Variants in CBFA2T2 observed in about 807,000 individuals in gnomAD.
CBFA2T2 encodes CBFA2/RUNX1 partner transcriptional co-repressor 2.
Under a neutral mutation model 62.2 loss-of-function variants are expected in CBFA2T2, and 11 were observed. The observed-to-expected ratio is 0.18, with a 90% CI of 0.11 to 0.29. The LOEUF (loss-of-function observed/expected upper bound fraction) is 0.29. Among genes scored for constraint, CBFA2T2 ranks in the 10% least tolerant of loss-of-function variants. The pLI is 1.00. For synonymous variants in CBFA2T2, 295 were observed against 287.5 expected (o/e 1.03, Z -0.27); for missense variants, 592 against 774.1 (o/e 0.76, Z 2.79).
At chr20:33,557,921 C>T (rs1011297707) in intron 1 of CBFA2T2, among the ~76,000 whole-genome samples, 1 of 152,028 alleles carries the variant, frequency 6.6e-6, no homozygotes, top group Admixed American at 6.6e-5. Context: ...CCGCAACCTC[C>T]GCCTACTGGG....
intron 6 of CBFA2T2, among the ~76,000 whole-genome samples, chr20:33,627,273 T>G (rs2122347279): frequency 6.6e-6 from 1 of 152,182 alleles, no homozygotes; most frequent in East Asian, 1.9e-4. Flanking sequence ...TACAGGCACC[T>G]GTAGTCCCAG....
rs2011135201 is a variant in CBFA2T2 at position 33,490,127 on chromosome 20, G to A, written c.-141G>A. 2 of 831,320 alleles carry A rather than the reference G, an allele frequency of 2.4e-6. No individual in the cohort carries two copies. The highest frequency in any genetic ancestry group is 3.1e-6 in the Non-Finnish European group (2 of 642,294). The allele number at this position is 831,320 out of a possible 1,614,324, so 51.5% of individuals were successfully genotyped here. On this transcript the variant is annotated 5_prime_UTR_variant, in exon 1 of 11. In the 5' UTR this introduces an upstream ATG that the reference lacks. Coordinates refer to ENST00000342704, the MANE Select transcript of CBFA2T2 (RefSeq NM_001032999.3). ...GGCGGCGACGGCGACAGCAGCGGTG[G>A]TGGTGTCTGGTTAGCTCGGCGGCTG...
intron 1 of CBFA2T2, among the ~76,000 whole-genome samples, chr20:33,545,439 C>CTTTCTTTCTTTCTTTCTT (rs1555833708): frequency 4.0e-5 from 6 of 148,264 alleles, no homozygotes; most frequent in Admixed American, 2.7e-4. Context: ...CTCTTTCTTT[C>CTTTCTTTCTTTCTTTCTT]TCTTTCTTTC....
intron 10 of CBFA2T2, among the ~76,000 whole-genome samples, chr20:33,642,988 G>A (rs2016909890): frequency 6.6e-6 from 1 of 152,206 alleles, no homozygotes; most frequent in African/African-American, 2.4e-5. Flanking sequence ...TCAAAAGCAG[G>A]GAAGGGATAG....
chr20:33,640,124 T>G (rs1427014533), intron 9 of CBFA2T2, among the ~76,000 whole-genome samples: 1 of 152,140 alleles, frequency 6.6e-6, no homozygotes, highest in African/African-American at 2.4e-5. Flanking sequence ...CTGTGTCTAG[T>G]CACTTGCGTC....
rs376048540 is a variant in CBFA2T2, at chr20:33,559,172, C to CTTTTTTTTTTTTT, written c.35-47775_35-47763dup. Among the ~76,000 whole-genome samples the CTTTTTTTTTTTTT allele has an allele frequency of 8.6e-4, 75 of 87,618 alleles. 6 individuals carry two copies. The highest frequency in any genetic ancestry group is 2.0e-3 in the African/African-American group (39 of 19,092). The allele number at this position is 87,618 out of a possible 152,430, so 57.5% of individuals were successfully genotyped here. Reference sequence around the variant, plus strand: ...CAATTGCAGCTTCTTTTTTTCCTTTCTTTTTTTTTTTTTTTTTTTTTCTGA... The same window carrying CTTTTTTTTTTTTT: ...CAATTGCAGCTTCTTTTTTTCCTTTCTTTTTTTTTTTTTTTTTTTTTTTTTTTTTTTTTTCTGA... On this transcript the variant is annotated intron_variant, in intron 1 of 10. Coordinates refer to ENST00000342704, the MANE Select transcript of CBFA2T2 (RefSeq NM_001032999.3).
At chr20:33,533,718 A>G (rs989780526) in intron 1 of CBFA2T2, among the ~76,000 whole-genome samples, 1 of 151,862 alleles carries the variant, frequency 6.6e-6, no homozygotes, top group Non-Finnish European at 1.5e-5. Flanking sequence ...TCATGCCTGT[A>G]ATCCCAGCAC....
intron 1 of CBFA2T2, 45 bp downstream of exon 1, chr20:33,490,346 G>A: frequency 7.9e-7 from 1 of 1,265,284 alleles, no homozygotes; most frequent in South Asian, 3.4e-5. Flanking sequence ...GCGTGTGAGG[G>A]CCTGCGGCTC....
chr20:33,492,601 A>T (rs1468258339), intron 1 of CBFA2T2, among the ~76,000 whole-genome samples: 2 of 151,600 alleles, frequency 1.3e-5, no homozygotes, highest in African/African-American at 4.8e-5. Flanking sequence ...AGCAGCCTCA[A>T]CCTCCTGGGT....
intron 8 of CBFA2T2, among the ~76,000 whole-genome samples, chr20:33,630,662 C>T (rs2016414386): frequency 6.6e-6 from 1 of 152,212 alleles, no homozygotes; most frequent in African/African-American, 2.4e-5. Flanking sequence ...CACCCAGTAA[C>T]TGAGAAAGTG....
chr20:33,632,138 G>T (rs1057388632), intron 8 of CBFA2T2, among the ~76,000 whole-genome samples: 4 of 152,000 alleles, frequency 2.6e-5, no homozygotes, highest in Non-Finnish European at 5.9e-5. Context: ...CAACCTCCTG[G>T]GTTCAAGCCA....
At chr20:33,553,351 C>T (rs1474944620) in intron 1 of CBFA2T2, among the ~76,000 whole-genome samples, 4 of 152,136 alleles carry the variant, frequency 2.6e-5, no homozygotes, top group Admixed American at 1.3e-4. Flanking sequence ...CTCAGCCTCC[C>T]GAGTAGCTGG....
chr20:33,545,799 T>G (rs1324269656), intron 1 of CBFA2T2, among the ~76,000 whole-genome samples: 1 of 152,256 alleles, frequency 6.6e-6, no homozygotes, highest in Admixed American at 6.5e-5. Context: ...ATTTCATTTC[T>G]GTTCATTTAA....
rs150925719 is a variant in CBFA2T2, at chr20:33,587,297, C to T, written c.35-19659C>T. Among the ~76,000 whole-genome samples the T allele has an allele frequency of 5.7e-3, 840 of 148,606 alleles. 5 individuals carry two copies. The highest frequency in any genetic ancestry group is 0.02 in the African/African-American group (785 of 40,220). ...TTTTGTTTTGTTTTGAGATGGAGTC[C>T]TGCTCTGTCGCCAGGCTGGAGTGCA... is the stretch of plus-strand genomic sequence containing the variant. On this transcript the variant is annotated intron_variant, in intron 1 of 10. Coordinates refer to ENST00000342704, the MANE Select transcript of CBFA2T2 (RefSeq NM_001032999.3).
chr20:33,638,024 G>A (rs965698964), intron 9 of CBFA2T2, among the ~76,000 whole-genome samples: 2 of 137,090 alleles, frequency 1.5e-5, no homozygotes, highest in Non-Finnish European at 3.0e-5. Flanking sequence ...GCTCAGGCTG[G>A]AGTGCAGTGG....
At chr20:33,575,902 C>T (rs1489180974) in intron 1 of CBFA2T2, among the ~76,000 whole-genome samples, 2 of 152,046 alleles carry the variant, frequency 1.3e-5, no homozygotes, top group Admixed American at 6.5e-5. Context: ...CTCAGCCTCC[C>T]GAGTAGCTGG....
chr20:33,609,779 T>C (rs2015459816), intron 2 of CBFA2T2, among the ~76,000 whole-genome samples: 1 of 152,196 alleles, frequency 6.6e-6, no homozygotes, highest in Non-Finnish European at 1.5e-5. Flanking sequence ...AATAAGTTGG[T>C]TTTTGGCAAA....
intron 10 of CBFA2T2, among the ~76,000 whole-genome samples, chr20:33,642,108 TTTTTTTTTTG>T (rs1161334877): frequency 0.043 from 2,368 of 55,366 alleles, 72 homozygotes; most frequent in African/African-American, 0.1. Context: ...CCTTTGTCTT[TTTTTTTTTTG>T]TGTGTGTGTG....
chr20:33,516,512 C>T (rs192712434), intron 1 of CBFA2T2, among the ~76,000 whole-genome samples: 197 of 151,966 alleles, frequency 1.3e-3, no homozygotes, highest in African/African-American at 4.6e-3. Flanking sequence ...CAGTGGCTCA[C>T]GCCTATAATC....
Sources: allele counts gnomAD v4.1 joint callset (sites outside exome capture counted in the v4.1 genomes callset), GRCh38; gene constraint gnomAD v4.1.1; transcripts MANE v1.5; gene names NCBI Gene and HGNC (gene_info 2026-07-23, HGNC 2026-07-21).